Variants in CRTC3 observed in about 807,000 individuals in gnomAD.
CRTC3 encodes CREB-regulated transcription coactivator 3.
CRTC3 carries 26 observed loss-of-function variants against 74.5 expected under a neutral mutation model. That is an observed-to-expected ratio of 0.35 (90% CI 0.26 to 0.48). CRTC3 has a LOEUF of 0.48. CRTC3 is among the 20% of genes least tolerant of loss of function. CRTC3 has a pLI of 0.99. For synonymous variants in CRTC3, 377 were observed against 325.8 expected (o/e 1.16, Z -1.69); for missense variants, 760 against 787.3 (o/e 0.97, Z 0.41).
At chr15:90,608,393 A>G (rs538648601) in intron 6 of CRTC3, among the ~76,000 whole-genome samples, 1 of 152,104 alleles carries the variant, frequency 6.6e-6, no homozygotes, top group East Asian at 1.9e-4. Flanking sequence ...CTCACACCCA[A>G]GGTAGCCATG....
At chr15:90,543,998 G>T (rs895683723) in intron 2 of CRTC3, among the ~76,000 whole-genome samples, 3 of 152,122 alleles carry the variant, frequency 2.0e-5, no homozygotes, top group Non-Finnish European at 4.4e-5. Context: ...CATCTGGGTG[G>T]TTGCGTGTGT....
chr15:90,595,005 G>A (rs1286623327), intron 3 of CRTC3: 1 of 152,142 alleles, frequency 6.6e-6, no homozygotes, highest in Non-Finnish European at 1.5e-5. Context: ...CCCGCCCCCA[G>A]GAACACACCA....
In CRTC3 at chr15:90,566,954, A is replaced by T. The variant is rs554072935; in HGVS notation, c.232-26682A>T. 9.2e-5 allele frequency among the ~76,000 whole-genome samples: 14 copies of T among 151,896 alleles called. No homozygotes were observed. The East Asian group carries it at 2.7e-3, about 30-fold the overall frequency. ...TCGAACTCCTGACCTCAGGTAACTC[A>T]CCCTTCTTGGCCTCCTGAAGTGCTG... On this transcript the variant is annotated intron_variant, in intron 2 of 14. Coordinates refer to ENST00000268184, the MANE Select transcript of CRTC3 (RefSeq NM_022769.5).
At chr15:90,609,243 A>G (rs573080518) in intron 6 of CRTC3, among the ~76,000 whole-genome samples, 33 of 152,338 alleles carry the variant, frequency 2.2e-4, no homozygotes, top group Non-Finnish European at 4.4e-4. Flanking sequence ...CCATGCTTCC[A>G]TACATGGGAA....
At chr15:90,617,653 C>T (rs550099752) in intron 7 of CRTC3, among the ~76,000 whole-genome samples, 64 of 152,212 alleles carry the variant, frequency 4.2e-4, no homozygotes, top group African/African-American at 1.4e-3. Context: ...CCTCAGCCTC[C>T]CAAGTAGTTG....
chr15:90,632,076 AT>A (rs5814442), intron 11 of CRTC3, among the ~76,000 whole-genome samples: 20 of 145,226 alleles, frequency 1.4e-4, no homozygotes, highest in South Asian at 4.4e-4. Flanking sequence ...TAATTTTTGT[AT>A]TTTTTTTTTT....
intron 2 of CRTC3, among the ~76,000 whole-genome samples, chr15:90,590,135 A>C (rs1388103335): frequency 6.6e-6 from 1 of 151,750 alleles, no homozygotes; most frequent in Non-Finnish European, 1.5e-5. Flanking sequence ...TACTAAAAAT[A>C]CAAAAAAATT....
intron 14 of CRTC3, 145 bp downstream of exon 14, chr15:90,641,344 T>G (rs1444827726): frequency 3.2e-6 from 2 of 629,462 alleles, no homozygotes; most frequent in Admixed American, 2.5e-5. Flanking sequence ...GAGATGCAGG[T>G]GTCCAGCCTC....
intron 1 of CRTC3, among the ~76,000 whole-genome samples, chr15:90,534,886 G>A (rs559224239): frequency 6.6e-6 from 1 of 152,246 alleles, no homozygotes; most frequent in Admixed American, 6.5e-5. Context: ...GAGGCCAGGC[G>A]CGGTGGCTCA....
At chr15:90,576,350 G>A (rs28582782) in intron 2 of CRTC3, among the ~76,000 whole-genome samples, 4,911 of 152,224 alleles carry the variant, frequency 0.032, 286 homozygotes, top group African/African-American at 0.11. Flanking sequence ...ACTCAAGGAT[G>A]ACCCCAAACT....
At chr15:90,532,685 T>A (rs576894768) in intron 1 of CRTC3, among the ~76,000 whole-genome samples, 2 of 152,298 alleles carry the variant, frequency 1.3e-5, no homozygotes, top group East Asian at 1.9e-4. Flanking sequence ...TGTAGAGGAT[T>A]TTCTCTAGCT....
intron 2 of CRTC3, among the ~76,000 whole-genome samples, chr15:90,545,071 G>A (rs1023957600): frequency 6.6e-6 from 1 of 152,134 alleles, no homozygotes; most frequent in Non-Finnish European, 1.5e-5. Context: ...ACTATTCTAA[G>A]TGCCTCATAT....
intron 2 of CRTC3, among the ~76,000 whole-genome samples, chr15:90,582,877 G>A (rs1288335033): frequency 1.3e-5 from 2 of 152,144 alleles, no homozygotes; most frequent in African/African-American, 4.8e-5. Flanking sequence ...TCAGGGTCAG[G>A]GAATGAACAT....
At chr15:90,582,723 G>A (rs1239620645) in intron 2 of CRTC3, among the ~76,000 whole-genome samples, 1 of 152,188 alleles carries the variant, frequency 6.6e-6, no homozygotes, top group Non-Finnish European at 1.5e-5. Flanking sequence ...TCCCCTGGGG[G>A]TACACATTCC....
At chr15:90,535,827 T>A (rs2151053931) in intron 1 of CRTC3, among the ~76,000 whole-genome samples, 1 of 152,314 alleles carries the variant, frequency 6.6e-6, no homozygotes, top group Non-Finnish European at 1.5e-5. Flanking sequence ...AAAATGAGCC[T>A]ATGGTGTGTA....
In CRTC3 at chr15:90,601,754, A is replaced by G. The variant is rs76527622; in HGVS notation, c.352-570A>G. On this transcript the variant is annotated intron_variant, in intron 3 of 14. Coordinates refer to ENST00000268184, the MANE Select transcript of CRTC3 (RefSeq NM_022769.5). ...GCCCAAGGGCTAGATCCAAGGGGTCATACAATGTCATTGAGACCTACCTCT... is the reference window on the plus strand; with the variant it reads ...GCCCAAGGGCTAGATCCAAGGGGTCGTACAATGTCATTGAGACCTACCTCT... Among the ~76,000 whole-genome samples, 597 of 152,346 alleles carry G rather than the reference A, an allele frequency of 3.9e-3. 6 individuals carry two copies. Among genetic ancestry groups the G allele is most frequent in the African/African-American group, 0.013 (558 of 41,580 alleles).
intron 1 of CRTC3, among the ~76,000 whole-genome samples, chr15:90,535,221 A>T (rs1264206745): frequency 6.6e-6 from 1 of 152,052 alleles, no homozygotes. Flanking sequence ...AGCCAAAGGA[A>T]CTAAGGAACT....
At chr15:90,552,399 G>C (rs1966861352) in intron 2 of CRTC3, among the ~76,000 whole-genome samples, 1 of 152,194 alleles carries the variant, frequency 6.6e-6, no homozygotes, top group Non-Finnish European at 1.5e-5. Flanking sequence ...TCTCAAAGTA[G>C]CTTCTTGTGT....
Position 90,555,132 on chromosome 15 carries a change from G to A in CRTC3, c.231+14995G>A, listed in dbSNP as rs142422533. Among the ~76,000 whole-genome samples, 303 of 152,234 alleles carry A rather than the reference G, an allele frequency of 2.0e-3. 3 individuals are homozygous for A. The East Asian group carries it at 0.034, about 17-fold the overall frequency. Reference sequence around the variant, plus strand: ...TGAGAGTTGCTGGCCTTAGGGTGCTGTCATTTCTGCTGCAGAATGTACCAC... The same window carrying A: ...TGAGAGTTGCTGGCCTTAGGGTGCTATCATTTCTGCTGCAGAATGTACCAC... On this transcript the variant is annotated intron_variant, in intron 2 of 14. Coordinates refer to ENST00000268184, the MANE Select transcript of CRTC3 (RefSeq NM_022769.5).
Sources: gnomAD v4.1 joint callset for allele counts (sites outside exome capture counted in the v4.1 genomes callset) on GRCh38, gnomAD v4.1.1 for gene constraint, MANE v1.5 for transcripts, NCBI Gene and HGNC (gene_info 2026-07-23, HGNC 2026-07-21) for gene names.